The following BCL2L14 variants were observed in gnomAD, a reference collection of about 807,000 sequenced individuals.
BCL2L14 encodes apoptosis facilitator Bcl-2-like protein 14.
Under a neutral mutation model 35.3 loss-of-function variants are expected in BCL2L14, and 27 were observed. The observed-to-expected ratio is 0.76, with a 90% confidence interval of 0.56 to 1.05. The LOEUF is 1.05. Among genes scored for constraint, BCL2L14 ranks in the 50% least tolerant of loss-of-function variants. The probability of loss-of-function intolerance (pLI) is 0.00; values close to 1 mark genes in which losing one functional copy is unlikely to be tolerated. For synonymous variants in BCL2L14, 139 were observed against 145.9 expected, an observed-to-expected ratio of 0.95 and a Z score of 0.34; for missense variants, 377 against 382.6, an observed-to-expected ratio of 0.99 and a Z score of 0.12.
At chr12:12,057,755 T>TAAAAAAAAAAAAAAAA (rs370379966) in intron 2 of BCL2L14, among the ~76,000 whole-genome samples, 17 of 120,342 alleles carry the variant, frequency 1.4e-4, no homozygotes, top group African/African-American at 2.3e-4. Context: ...AAAACTCCAT[T>TAAAAAAAAAAAAAAAA]AAAAAAAAAA....
chr12:12,083,467 T>C (rs1948972660), intron 2 of BCL2L14, among the ~76,000 whole-genome samples: 1 of 152,216 alleles, frequency 6.6e-6, no homozygotes. Context: ...GAATCTTTTG[T>C]TTCTCCATAG....
intron 2 of BCL2L14, among the ~76,000 whole-genome samples, chr12:12,057,183 C>T (rs10845465): frequency 0.45 from 68,043 of 151,910 alleles, 16,417 homozygotes; most frequent in East Asian, 0.75. Context: ...TTAATATCTA[C>T]AGGACAATAA....
intron 2 of BCL2L14, among the ~76,000 whole-genome samples, chr12:12,056,624 A>G (rs1948436579): frequency 6.6e-6 from 1 of 152,208 alleles, no homozygotes; most frequent in Non-Finnish European, 1.5e-5. Context: ...AACTGAGGTC[A>G]GGAGTTCGAG....
chr12:12,096,427 G>C (rs1423480300), intron 5 of BCL2L14, among the ~76,000 whole-genome samples: 1 of 89,606 alleles, frequency 1.1e-5, no homozygotes, highest in Admixed American at 1.2e-4. Flanking sequence ...CCACCACCAA[G>C]AATGTGAAAA....
At chr12:12,064,582 C>T (rs1948571466) in intron 2 of BCL2L14, among the ~76,000 whole-genome samples, 1 of 152,186 alleles carries the variant, frequency 6.6e-6, no homozygotes, top group South Asian at 2.1e-4. Context: ...AACAGCATGC[C>T]TATCTTTACT....
chr12:12,053,699 G>A (rs1189024116), intron 2 of BCL2L14, among the ~76,000 whole-genome samples: 1 of 152,196 alleles, frequency 6.6e-6, no homozygotes, highest in Non-Finnish European at 1.5e-5. Context: ...ACAGGCGTGA[G>A]CCACCATGCC....
intron 1 of BCL2L14, among the ~76,000 whole-genome samples, chr12:12,075,744 C>G (rs560382536): frequency 6.6e-6 from 1 of 152,200 alleles, no homozygotes; most frequent in South Asian, 2.1e-4. Flanking sequence ...TCTTATGTCT[C>G]TTTTAAGCTG....
At chr12:12,084,703 G>A (rs1324708773) in intron 2 of BCL2L14, among the ~76,000 whole-genome samples, 1 of 152,048 alleles carries the variant, frequency 6.6e-6, no homozygotes, top group Non-Finnish European at 1.5e-5. Context: ...AAATATCCAA[G>A]ATGGGAATTT....
intron 2 of BCL2L14, among the ~76,000 whole-genome samples, chr12:12,059,491 C>A (rs1449752321): frequency 1.3e-5 from 2 of 151,890 alleles, no homozygotes; most frequent in African/African-American, 4.8e-5. Context: ...TATCTCTGCT[C>A]CCCGATCCCT....
Position 12,090,850 on chromosome 12 carries a change from G to A in BCL2L14, c.678+1G>A. Reference sequence around the variant, plus strand: ...TTCAGGAGATCAGTTGGAAAGAAAGGTATGGAACACCTTGAACTGATGCGA... The same window carrying A: ...TTCAGGAGATCAGTTGGAAAGAAAGATATGGAACACCTTGAACTGATGCGA... On this transcript the variant is annotated splice_donor_variant, in intron 4 of 5. Transcript: ENST00000308721. LOFTEE classifies it high-confidence loss of function. The A allele has an allele frequency of 1.2e-6, 2 of 1,611,144 alleles. No homozygotes were observed. Among genetic ancestry groups the A allele is most frequent in the African/African-American group, 1.3e-5 (1 of 74,984 alleles).
At chr12:12,075,632 T>C (rs1170311039) in intron 1 of BCL2L14, among the ~76,000 whole-genome samples, 1 of 151,248 alleles carries the variant, frequency 6.6e-6, no homozygotes, top group Non-Finnish European at 1.5e-5. Context: ...TCCATGTTGG[T>C]CAGGCTGGTC....
At chr12:12,062,166 C>T (rs577298364) in intron 2 of BCL2L14, among the ~76,000 whole-genome samples, 36 of 150,564 alleles carry the variant, frequency 2.4e-4, no homozygotes, top group Middle Eastern at 3.4e-3. Context: ...TTCTGCTCCC[C>T]GGCTCCTTCA....
intron 2 of BCL2L14, among the ~76,000 whole-genome samples, chr12:12,086,095 C>T (rs1949037390): frequency 6.6e-6 from 1 of 152,132 alleles, no homozygotes; most frequent in Non-Finnish European, 1.5e-5. Flanking sequence ...GGGAGGATTG[C>T]TTGCGCTTAG....
intron 5 of BCL2L14, chr12:12,096,055 C>T (rs1949306040): frequency 1.0e-6 from 1 of 985,352 alleles, no homozygotes; most frequent in Non-Finnish European, 1.2e-6. Context: ...CCAACAACCC[C>T]CTTGAGCCCT....
At chr12:12,054,233 T>C (rs1948398102) in intron 2 of BCL2L14, among the ~76,000 whole-genome samples, 1 of 152,214 alleles carries the variant, frequency 6.6e-6, no homozygotes, top group Non-Finnish European at 1.5e-5. Flanking sequence ...CTGGGCGCAG[T>C]AGCTCATGCC....
rs182935344 is a variant in BCL2L14 at position 12,075,007 on chromosome 12, T to C, written c.-8+3870T>C. Among the ~76,000 whole-genome samples the C allele has an allele frequency of 2.6e-3, 391 of 152,222 alleles. 1 individual carries two copies. Among genetic ancestry groups the C allele is most frequent in the African/African-American group, 8.6e-3 (357 of 41,526 alleles). The stretch of plus-strand genomic sequence containing the variant: ...CTGTACTGTGTTTAGTTCTCTATCA[T>C]CTCAAAGATATCTACATCTTTATAC... On this transcript the variant is annotated intron_variant, in intron 1 of 5. Transcript: ENST00000308721.
At chr12:12,095,385 A>C in intron 5 of BCL2L14, 1 of 985,340 alleles carries the variant, frequency 1.0e-6, no homozygotes, top group Non-Finnish European at 1.2e-6. Flanking sequence ...TGCTGCTTTG[A>C]CCCAGCCATT....
At chr12:12,055,507 A>G (rs908115832) in intron 2 of BCL2L14, 17 of 152,192 alleles carry the variant, frequency 1.1e-4, no homozygotes, top group African/African-American at 3.4e-4. Flanking sequence ...AGACCCGCCA[A>G]CTTGCTGAAA....
intron 1 of BCL2L14, chr12:12,072,489 G>C (rs537422559): frequency 2.6e-5 from 4 of 152,430 alleles, no homozygotes; most frequent in African/African-American, 9.6e-5. Context: ...GAGAGTGCAG[G>C]TTTGTTACAG....
Sources: gnomAD v4.1 joint callset for allele counts (sites outside exome capture counted in the v4.1 genomes callset) on GRCh38, gnomAD v4.1.1 for gene constraint, MANE v1.5 for transcripts, NCBI Gene and HGNC (gene_info 2026-07-23, HGNC 2026-07-21) for gene names.